Variants in GPR37 observed in about 807,000 individuals in gnomAD.
GPR37 encodes prosaposin receptor GPR37.
In GPR37, 20 loss-of-function variants were observed where a neutral mutation model predicts 43.6. The ratio of observed to expected loss-of-function variants is 0.46; its 90% CI spans 0.32 to 0.67. GPR37 has a LOEUF of 0.67. Ranked by LOEUF, GPR37 falls within the 30% of genes least tolerant of loss-of-function variation. The pLI, the probability that GPR37 is intolerant of heterozygous loss-of-function variation, is 0.03. For synonymous variants in GPR37, 315 were observed against 322.6 expected, an observed-to-expected ratio of 0.98 and a Z score of 0.25; for missense variants, 724 against 797.2, an observed-to-expected ratio of 0.91 and a Z score of 1.11.
Position 124,765,243 on chromosome 7 carries a change from T to TA in GPR37, c.-268dup, listed in dbSNP as rs1472312353. ...TGCCCTCCAAGGTTCCTAGAGGGAA[T>TA]AGGCTACTCCCGGTGGCTGACCTTG... On this transcript the variant is annotated 5_prime_UTR_variant, in exon 1 of 2. Transcript: ENST00000303921. 1 of 399,188 alleles carries TA rather than the reference T, an allele frequency of 2.5e-6. No individual in the cohort carries two copies. Among genetic ancestry groups the TA allele is most frequent in the Non-Finnish European group, 4.4e-6 (1 of 226,224 alleles). 24.7% of individuals were successfully genotyped at this position (399,188 alleles called of 1,614,324 possible).
At chr7:124,755,887 A>G (rs1793785919) in intron 1 of GPR37, among the ~76,000 whole-genome samples, 1 of 152,150 alleles carries the variant, frequency 6.6e-6, no homozygotes, top group Admixed American at 6.6e-5. Context: ...GCAGTAACAC[A>G]TTTTTACCTA....
chr7:124,758,444 C>T (rs1049656139), intron 1 of GPR37, among the ~76,000 whole-genome samples: 2 of 152,136 alleles, frequency 1.3e-5, no homozygotes, highest in Non-Finnish European at 2.9e-5. Flanking sequence ...ACTTAAAAGT[C>T]CGGCAGAATA....
intron 1 of GPR37, among the ~76,000 whole-genome samples, chr7:124,762,059 G>C (rs950368908): frequency 6.6e-6 from 1 of 151,958 alleles, no homozygotes; most frequent in African/African-American, 2.4e-5. Context: ...CTAATAATAA[G>C]AGGCAAAAAA....
At chr7:124,749,585 T>C (rs1793710038) in intron 1 of GPR37, among the ~76,000 whole-genome samples, 1 of 152,072 alleles carries the variant, frequency 6.6e-6, no homozygotes, top group African/African-American at 2.4e-5. Flanking sequence ...GCCTTGGGGA[T>C]TCTGACAGTT....
At chr7:124,759,508 T>C (rs1793829117) in intron 1 of GPR37, among the ~76,000 whole-genome samples, 1 of 152,350 alleles carries the variant, frequency 6.6e-6, no homozygotes, top group African/African-American at 2.4e-5. Flanking sequence ...ACACTACATA[T>C]ACAAGTTTTG....
At position 124,764,180 on chromosome 7, in the gene GPR37, C is replaced by A. The variant is rs149018998; in HGVS notation, c.797G>T (p.Cys266Phe). ...QESYGAYAVMCLSVVIFGTGI... is the reference protein window; with the variant it reads ...QESYGAYAVMFLSVVIFGTGI... ...GGTCCCGAAGATCACCACGGACAGACACATGACCGCGTAGGCTCCATAGGA... is the reference window on the plus strand; with the variant it reads ...GGTCCCGAAGATCACCACGGACAGAAACATGACCGCGTAGGCTCCATAGGA... The change falls in exon 1 of 2, where the codon TGT (cysteine) becomes TTT (phenylalanine). Residue 266 changes from cysteine to phenylalanine, a missense_variant. Physicochemically the swap from Cys to Phe is radical, Grantham distance 205 (BLOSUM62 -2). Coordinates refer to ENST00000303921, the MANE Select transcript of GPR37 (RefSeq NM_005302.5). The surrounding 1 kb of genome is among the most constrained non-coding windows in gnomAD (Gnocchi z 5.4). 7.1e-5 allele frequency: 114 copies of A among 1,596,250 alleles called. No individual in the cohort carries two copies. In the African/African-American group the frequency reaches 1.0e-3, roughly 14 times the overall value.
intron 1 of GPR37, among the ~76,000 whole-genome samples, chr7:124,747,889 G>A (rs2107930): frequency 0.23 from 34,531 of 152,010 alleles, 4,069 homozygotes; most frequent in East Asian, 0.34. Flanking sequence ...AAGTATTACA[G>A]TATTATTTTC....
rs746116346 is a variant in GPR37, at chr7:124,764,486, C to T, written c.491G>A (p.Arg164His). 1.9e-6 allele frequency: 3 copies of T among 1,613,650 alleles called. No individual in the cohort carries two copies. Among genetic ancestry groups the T allele is most frequent in the Non-Finnish European group, 2.5e-6 (3 of 1,180,042 alleles). Reference protein sequence around the residue: ...KGPRGAGISGRSQEQSVKTVP... With the variant: ...KGPRGAGISGHSQEQSVKTVP... ...TGTCTTCACACTCTGCTCCTGGCTACGCCCGGAAATGCCAGCGCCTCTGGG... is the reference window on the plus strand; with the variant it reads ...TGTCTTCACACTCTGCTCCTGGCTATGCCCGGAAATGCCAGCGCCTCTGGG... The change falls in exon 1 of 2, where the codon CGT becomes CAT. Residue 164 changes from arginine to histidine, a missense_variant. Physicochemically the swap from Arg to His is conservative, Grantham distance 29 (BLOSUM62 0). Transcript: ENST00000303921. The surrounding 1 kb of genome is among the most constrained non-coding windows in gnomAD (Gnocchi z 5.4).
At chr7:124,763,857 C>G (rs368624087) in intron 1 of GPR37, 97 bp downstream of exon 1, 4 of 1,024,670 alleles carry the variant, frequency 3.9e-6, no homozygotes, top group Non-Finnish European at 2.9e-6. Context: ...AAAGGAAAGG[C>G]GTTCAGCTAG....
rs1446103112 is a variant in GPR37, at chr7:124,746,194, A to G, written c.*331T>C. 1 of 182,952 alleles carries G rather than the reference A, an allele frequency of 5.5e-6. No individual in the cohort carries two copies. The highest frequency in any genetic ancestry group is 1.1e-5 in the Non-Finnish European group (1 of 88,832). 11.3% of individuals were successfully genotyped at this position (182,952 alleles called of 1,614,324 possible). On this transcript the variant is annotated 3_prime_UTR_variant, in exon 2 of 2. Transcript: ENST00000303921. ...ATAACCTACAAAATCACATTGCTAT[A>G]ATCAATATACAATAATTGTATTTTT...
chr7:124,755,097 GAGA>G lies in GPR37; in HGVS notation c.1024-7757_1024-7755del, dbSNP rs1232748088. Among the ~76,000 whole-genome samples the G allele has an allele frequency of 8.5e-5, 13 of 152,112 alleles. No individual in the cohort carries two copies. The South Asian group carries it at 1.7e-3, about 19-fold the overall frequency. ...GATTAGCATTTCTAAACCAAAAGCAGAGAAGGAGAGACTTTCCTCACCCCTTAC... is the reference window on the plus strand; with the variant it reads ...GATTAGCATTTCTAAACCAAAAGCAGAGGAGAGACTTTCCTCACCCCTTAC... On this transcript the variant is annotated intron_variant, in intron 1 of 1. Coordinates refer to ENST00000303921, the MANE Select transcript of GPR37 (RefSeq NM_005302.5).
intron 1 of GPR37, among the ~76,000 whole-genome samples, chr7:124,753,780 G>C (rs574538813): frequency 6.6e-5 from 10 of 152,006 alleles, no homozygotes; most frequent in Non-Finnish European, 1.3e-4. Flanking sequence ...AACCCAACTT[G>C]GTAGTTATGA....
chr7:124,750,869 T>G (rs1057231917), intron 1 of GPR37, among the ~76,000 whole-genome samples: 9 of 152,150 alleles, frequency 5.9e-5, no homozygotes, highest in African/African-American at 2.2e-4. Flanking sequence ...GGACAAATGT[T>G]AAGCAAGATT....
chr7:124,763,315 C>T (rs1031725955), intron 1 of GPR37, among the ~76,000 whole-genome samples: 5 of 152,094 alleles, frequency 3.3e-5, no homozygotes, highest in African/African-American at 7.2e-5. Context: ...AATTAAGAAA[C>T]CGAGATGGGA....
At position 124,745,559 on chromosome 7, in the gene GPR37, A is replaced by G. The variant is rs1287738811; in HGVS notation, c.*966T>C. On this transcript the variant is annotated 3_prime_UTR_variant, in exon 2 of 2. Transcript: ENST00000303921. ...CACTTAAAGAAATTAAGTTGTATAG[A>G]TTTCATCAAGTTTATTTTTCAAAAG... 6.6e-6 allele frequency among the ~76,000 whole-genome samples: 1 copy of G among 152,160 alleles called. No individual in the cohort carries two copies. Among genetic ancestry groups the G allele is most frequent in the Admixed American group, 6.5e-5 (1 of 15,278 alleles).
At position 124,764,711 on chromosome 7, in the gene GPR37, G is replaced by A. The variant is rs754962917; in HGVS notation, c.266C>T (p.Pro89Leu). Reference protein sequence around the residue: ...AFLAGPSWDLPAAPGRDPAAG... With the variant: ...AFLAGPSWDLLAAPGRDPAAG... ...AGCCGGGTCACGGCCCGGGGCCGCC[G>A]GCAGGTCCCAGGAGGGTCCCGCAAG... The change falls in exon 1 of 2, where the codon CCG (proline) becomes CTG (leucine). Residue 89 changes from proline (P) to leucine (L), a missense_variant. By Grantham distance (98) the Pro-to-Leu change is moderately conservative (BLOSUM62 -3). Coordinates refer to ENST00000303921, the MANE Select transcript of GPR37 (RefSeq NM_005302.5). The surrounding 1 kb of genome is among the most constrained non-coding windows in gnomAD (Gnocchi z 5.4). 2.5e-6 allele frequency: 4 copies of A among 1,600,004 alleles called. No individual in the cohort carries two copies. The highest frequency in any genetic ancestry group is 2.7e-5 in the African/African-American group (2 of 74,484).
chr7:124,747,564 G>C (rs903273811), intron 1 of GPR37, among the ~76,000 whole-genome samples: 1 of 152,174 alleles, frequency 6.6e-6, no homozygotes, highest in Non-Finnish European at 1.5e-5. Context: ...GTAGTGGTTT[G>C]AGGGTCATGG....
intron 1 of GPR37, among the ~76,000 whole-genome samples, chr7:124,747,817 T>G (rs2284215): frequency 0.32 from 48,082 of 152,008 alleles, 8,207 homozygotes; most frequent in East Asian, 0.56. Context: ...ACTCAAGAGC[T>G]TATTGTCTCC....
rs1223668348 is a variant in GPR37 at position 124,765,253 on chromosome 7, C to A, written c.-277G>T. The A allele has an allele frequency of 5.3e-6, 2 of 380,828 alleles. No homozygotes were observed. Among genetic ancestry groups the A allele is most frequent in the Non-Finnish European group, 9.3e-6 (2 of 214,746 alleles). The allele number at this position is 380,828 out of a possible 1,614,324, so 23.6% of individuals were successfully genotyped here. ...GGTTCCTAGAGGGAATAGGCTACTC[C>A]CGGTGGCTGACCTTGAAAAGTTGCA... On this transcript the variant is annotated 5_prime_UTR_variant, in exon 1 of 2. Coordinates refer to ENST00000303921, the MANE Select transcript of GPR37 (RefSeq NM_005302.5).
Sources: gnomAD v4.1 joint callset for allele counts (sites outside exome capture counted in the v4.1 genomes callset) on GRCh38, gnomAD v4.1.1 for gene constraint, Gnocchi (gnomAD v3.1) non-coding constraint, MANE v1.5 for transcripts, NCBI Gene and HGNC (gene_info 2026-07-23, HGNC 2026-07-21) for gene names.